CCSER1: variants seen among roughly 807,000 people sequenced by gnomAD.
The protein encoded by CCSER1 is serine-rich coiled-coil domain-containing protein 1.
Under a neutral mutation model 82.0 loss-of-function variants are expected in CCSER1, and 41 were observed. That is an observed-to-expected ratio of 0.50 (90% CI 0.39 to 0.65). CCSER1 has a LOEUF of 0.65. Ranked by LOEUF, CCSER1 falls within the 30% of genes least tolerant of loss-of-function variation. The probability of loss-of-function intolerance (pLI) is 0.00; values close to 1 mark genes in which losing one functional copy is unlikely to be tolerated. For missense variants in CCSER1, 1,119 were observed against 1,064.2 expected (o/e 1.05, Z -0.72); for synonymous variants, 414 against 383.9 (o/e 1.08, Z -0.92).
At chr4:90,284,771 G>C (rs996670688) in intron 1 of CCSER1, among the ~76,000 whole-genome samples, 1 of 151,956 alleles carries the variant, frequency 6.6e-6, no homozygotes, top group African/African-American at 2.4e-5. Context: ...GGGATTACAG[G>C]CATGAGCCAC....
chr4:90,846,023 T>G (rs1763202575), intron 8 of CCSER1, among the ~76,000 whole-genome samples: 1 of 152,310 alleles, frequency 6.6e-6, no homozygotes, highest in Admixed American at 6.5e-5. Context: ...TGAAGGAAAG[T>G]AGCTTTGTCT....
At position 90,468,282 on chromosome 4, in the gene CCSER1, T is replaced by A; in HGVS notation, c.1652T>A (p.Val551Asp). 1 of 1,609,224 alleles carries A rather than the reference T, an allele frequency of 6.2e-7. No homozygotes were observed. The highest frequency in any genetic ancestry group is 8.5e-7 in the Non-Finnish European group (1 of 1,176,864). Residue 551 changes from valine (V) to aspartate (D), a missense_variant, in exon 5 of 11, where the codon GTT becomes GAT. Physicochemically the swap from Val to Asp is radical, Grantham distance 152. Transcript: ENST00000509176. ...YHSVVSCAAV[V>D]LTPMEPMIEM... is the part of the protein sequence containing the mutation. The stretch of plus-strand genomic sequence containing the variant: ...TCTGTCGTCTCATGTGCCGCAGTAG[T>A]TCTTACTCCTATGGAACCAATGATA...
At chr4:90,811,337 G>A (rs1758258737) in intron 7 of CCSER1, among the ~76,000 whole-genome samples, 1 of 152,154 alleles carries the variant, frequency 6.6e-6, no homozygotes, top group South Asian at 2.1e-4. Flanking sequence ...AAATAAGCAA[G>A]TAACAGTTAA....
chr4:90,575,769 A>C (rs1780683669), intron 5 of CCSER1, among the ~76,000 whole-genome samples: 2 of 151,996 alleles, frequency 1.3e-5, no homozygotes, highest in African/African-American at 2.4e-5. Context: ...TTCTACTTTC[A>C]CATTTAATAA....
intron 7 of CCSER1, among the ~76,000 whole-genome samples, chr4:90,758,062 C>G (rs1010612356): frequency 6.6e-6 from 1 of 152,070 alleles, no homozygotes; most frequent in East Asian, 1.9e-4. Context: ...CCTCAGCCTC[C>G]CGAGTAGCTG....
At chr4:91,179,739 G>T (rs1159679906) in intron 10 of CCSER1, among the ~76,000 whole-genome samples, 1 of 152,136 alleles carries the variant, frequency 6.6e-6, no homozygotes, top group Non-Finnish European at 1.5e-5. Flanking sequence ...CTTTGCGATG[G>T]GTTTGAACAT....
At chr4:91,397,097 T>C (rs1446253297) in intron 10 of CCSER1, among the ~76,000 whole-genome samples, 1 of 152,098 alleles carries the variant, frequency 6.6e-6, no homozygotes, top group Non-Finnish European at 1.5e-5. Flanking sequence ...AGCACTATCA[T>C]TTCAAATTGC....
At chr4:90,806,562 A>G (rs528341934) in intron 7 of CCSER1, among the ~76,000 whole-genome samples, 1 of 152,314 alleles carries the variant, frequency 6.6e-6, no homozygotes, top group South Asian at 2.1e-4. Context: ...CTCACTGACC[A>G]GCTTCCAGGA....
intron 10 of CCSER1, among the ~76,000 whole-genome samples, chr4:91,162,312 G>A (rs1008399512): frequency 1.3e-5 from 2 of 152,188 alleles, no homozygotes; most frequent in African/African-American, 2.4e-5. Flanking sequence ...GCTTTTAGAT[G>A]TGCTGCCTGA....
chr4:91,517,183 T>G (rs1166979771), intron 10 of CCSER1, among the ~76,000 whole-genome samples: 1 of 152,150 alleles, frequency 6.6e-6, no homozygotes, highest in African/African-American at 2.4e-5. Context: ...TTTGGATGCC[T>G]TTTATTTCTT....
intron 1 of CCSER1, among the ~76,000 whole-genome samples, chr4:90,268,685 TA>T: frequency 6.6e-6 from 1 of 150,984 alleles, no homozygotes. Context: ...ATGGCAGGAG[TA>T]AGTCCTTACT....
chr4:91,256,022 A>G (rs1008784253), intron 10 of CCSER1, among the ~76,000 whole-genome samples: 2 of 152,218 alleles, frequency 1.3e-5, no homozygotes, highest in African/African-American at 4.8e-5. Context: ...GGGAGCAGTA[A>G]CAAGAGTCAT....
intron 10 of CCSER1, among the ~76,000 whole-genome samples, chr4:91,564,879 T>A (rs879863677): frequency 3.3e-5 from 5 of 152,080 alleles, no homozygotes; most frequent in Non-Finnish European, 7.4e-5. Context: ...ATCCCACTTG[T>A]CAATTTTTGC....
intron 1 of CCSER1, among the ~76,000 whole-genome samples, chr4:90,202,563 C>G (rs944304895): frequency 2.0e-5 from 3 of 152,178 alleles, no homozygotes; most frequent in Non-Finnish European, 4.4e-5. Context: ...GACTAAGGGT[C>G]TCATTTTCAC....
At chr4:90,374,396 G>A (rs930451174) in intron 3 of CCSER1, among the ~76,000 whole-genome samples, 5 of 152,084 alleles carry the variant, frequency 3.3e-5, no homozygotes, top group Non-Finnish European at 4.4e-5. Flanking sequence ...TTGCAAATTC[G>A]CCTCCTTTTT....
At chr4:90,807,659 A>T (rs1757697077) in intron 7 of CCSER1, among the ~76,000 whole-genome samples, 1 of 152,092 alleles carries the variant, frequency 6.6e-6, no homozygotes, top group South Asian at 2.1e-4. Flanking sequence ...TGCAAAAAAA[A>T]AAAAACTTAT....
chr4:91,478,312 T>G (rs1757703265), intron 10 of CCSER1, among the ~76,000 whole-genome samples: 1 of 151,964 alleles, frequency 6.6e-6, no homozygotes, highest in South Asian at 2.1e-4. Flanking sequence ...AGTAAATTAT[T>G]TTATTTTCAA....
chr4:91,176,212 T>C (rs1733333462), intron 10 of CCSER1, among the ~76,000 whole-genome samples: 1 of 152,062 alleles, frequency 6.6e-6, no homozygotes, highest in Non-Finnish European at 1.5e-5. Context: ...GTACCTGCTG[T>C]TTTGGTTACT....
At chr4:90,245,975 A>C (rs1198365923) in intron 1 of CCSER1, among the ~76,000 whole-genome samples, 2 of 152,210 alleles carry the variant, frequency 1.3e-5, no homozygotes, top group Non-Finnish European at 2.9e-5. Context: ...TAAGATAGTT[A>C]ATATTGTTCT....
Sources: gnomAD v4.1 joint callset for allele counts (sites outside exome capture counted in the v4.1 genomes callset) on GRCh38, gnomAD v4.1.1 for gene constraint, MANE v1.5 for transcripts, NCBI Gene and HGNC (gene_info 2026-07-23, HGNC 2026-07-21) for gene names.